The following PKN2 variants were observed in gnomAD, a reference collection of about 807,000 sequenced individuals.
The protein encoded by PKN2 is serine/threonine-protein kinase N2.
A neutral mutation model predicts 119.1 loss-of-function variants in PKN2; 38 were observed. That is an observed-to-expected ratio of 0.32 (90% CI 0.25 to 0.42). PKN2 has a LOEUF of 0.42. Ranked by LOEUF, PKN2 falls within the 10% of genes least tolerant of loss-of-function variation. PKN2 has a pLI of 1.00. For missense variants in PKN2, 850 were observed against 1,165.1 expected (o/e 0.73, Z 3.94); for synonymous variants, 390 against 384.9 (o/e 1.01, Z -0.15).
intron 1 of PKN2, among the ~76,000 whole-genome samples, chr1:88,725,847 A>AG (rs1667877539): frequency 6.6e-6 from 1 of 152,190 alleles, no homozygotes; most frequent in Non-Finnish European, 1.5e-5. Flanking sequence ...TAAAAGATAA[A>AG]GGGGAAAACA....
intron 1 of PKN2, among the ~76,000 whole-genome samples, chr1:88,722,801 A>AG (rs1557565547): frequency 6.6e-6 from 1 of 150,994 alleles, no homozygotes; most frequent in Non-Finnish European, 1.5e-5. Flanking sequence ...AAAAAAAAAA[A>AG]GAAACGAAAA....
chr1:88,807,378 A>G lies in PKN2; in HGVS notation c.1869A>G (p.Glu623=), dbSNP rs1671587847. 1 of 1,603,808 alleles carries G rather than the reference A, an allele frequency of 6.2e-7. No homozygotes were observed. The highest frequency in any genetic ancestry group is 1.3e-5 in the African/African-American group (1 of 74,656). Residue 623 remains glutamate, a synonymous_variant, in exon 13 of 22, where the codon GAA becomes GAG. Coordinates refer to ENST00000370521, the MANE Select transcript of PKN2 (RefSeq NM_006256.4). ...RNSILPKSQS[E]YKPDTPQSGL... ...GTATACTTCCAAAATCTCAATCTGA[A>G]TACAAGCCTGATACTCCTCAGTCAG...
chr1:88,786,102 A>G lies in PKN2; in HGVS notation c.1172-2A>G. On this transcript the variant is annotated splice_acceptor_variant, in intron 7 of 21. Coordinates refer to ENST00000370521, the MANE Select transcript of PKN2 (RefSeq NM_006256.4). LOFTEE classifies it high-confidence loss of function. ...AAGCAAGTTTGTAAATTTTAATTAC[A>G]GATGATGTCTGTGCTGTTTTGAAGC... is the stretch of plus-strand genomic sequence containing the variant. The G allele has an allele frequency of 6.3e-7, 1 of 1,577,524 alleles. No homozygotes were observed. The highest frequency in any genetic ancestry group is 1.3e-5 in the African/African-American group (1 of 74,110).
chr1:88,812,680 G>A (rs1224187193), intron 15 of PKN2, among the ~76,000 whole-genome samples: 1 of 152,084 alleles, frequency 6.6e-6, no homozygotes, highest in Non-Finnish European at 1.5e-5. Context: ...AGGTTACAGG[G>A]AGCCATGATG....
Position 88,833,374 on chromosome 1 carries a change from C to T in PKN2, c.2881C>T (p.Arg961Ter), listed in dbSNP as rs1314658560. 4 of 1,613,248 alleles carry T rather than the reference C, an allele frequency of 2.5e-6. No individual in the cohort carries two copies. The highest frequency in any genetic ancestry group is 1.1e-5 in the South Asian group (1 of 91,062). Residue 961 changes from arginine to a stop codon, truncating the protein, a stop_gained, in exon 22 of 22, where the codon CGA (arginine) becomes TGA (stop). Transcript: ENST00000370521. LOFTEE classifies it high-confidence loss of function. ...AGAAGCACCTATTCTGACTCCACCT[C>T]GAGAACCAAGGATACTTTCGGAAGA... ...TSEAPILTPP[R>*]EPRILSEEEQ...
chr1:88,735,673 CTT>C (rs1363437329), intron 1 of PKN2, among the ~76,000 whole-genome samples: 1 of 130,818 alleles, frequency 7.6e-6, no homozygotes, highest in African/African-American at 2.9e-5. Flanking sequence ...CTCATCCTGA[CTT>C]ATAAGGTTTC....
intron 2 of PKN2, among the ~76,000 whole-genome samples, chr1:88,754,352 A>G (rs1181428035): frequency 6.6e-6 from 1 of 152,144 alleles, no homozygotes; most frequent in Non-Finnish European, 1.5e-5. Flanking sequence ...AACTCAGTCT[A>G]AGAACAAATC....
intron 1 of PKN2, among the ~76,000 whole-genome samples, chr1:88,691,300 A>T (rs1666325870): frequency 6.6e-6 from 1 of 151,968 alleles, no homozygotes; most frequent in South Asian, 2.1e-4. Context: ...GCTGGACTCA[A>T]GCAGTCCACC....
chr1:88,748,157 A>G (rs531278288), intron 2 of PKN2, among the ~76,000 whole-genome samples: 11 of 152,248 alleles, frequency 7.2e-5, no homozygotes, highest in African/African-American at 2.4e-4. Flanking sequence ...CTTTCCATGA[A>G]TTTTAAGATG....
intron 1 of PKN2, among the ~76,000 whole-genome samples, chr1:88,722,437 C>T (rs1667719361): frequency 6.6e-6 from 1 of 151,982 alleles, no homozygotes; most frequent in Non-Finnish European, 1.5e-5. Flanking sequence ...TATAACTAGA[C>T]CTTTGGAGGC....
At chr1:88,804,812 AT>A in intron 9 of PKN2, 33 bp from the exon 10 acceptor site, 1 of 1,162,012 alleles carries the variant, frequency 8.6e-7, no homozygotes, top group Non-Finnish European at 1.3e-6. Context: ...GAACCATGCT[AT>A]TTTCATGTCA....
chr1:88,774,924 G>C (rs557207305), intron 6 of PKN2, among the ~76,000 whole-genome samples: 1 of 152,110 alleles, frequency 6.6e-6, no homozygotes, highest in Non-Finnish European at 1.5e-5. Flanking sequence ...GCTCAGGCTT[G>C]TCTCAAACTC....
rs762314638 is a variant in PKN2, at chr1:88,833,079, G to C, written c.2673G>C (p.Leu891=). 1.9e-6 allele frequency: 3 copies of C among 1,609,504 alleles called. No individual in the cohort carries two copies. In the African/African-American group the frequency reaches 4.0e-5, roughly 22 times the overall value. ...STEAISIMRR[L]LRRNPERRLG... The stretch of plus-strand genomic sequence containing the variant: ...TTTTTTATTTTACATTATGCTAGCT[G>C]TTAAGAAGAAATCCTGAACGGCGCC... The change falls in exon 21 of 22, where the codon CTG becomes CTC. Residue 891 remains leucine, a splice_region_variant and synonymous_variant. Transcript: ENST00000370521.
chr1:88,825,533 C>T (rs1003341371), intron 18 of PKN2, among the ~76,000 whole-genome samples: 1 of 152,156 alleles, frequency 6.6e-6, no homozygotes, highest in South Asian at 2.1e-4. Flanking sequence ...AATTATCTTG[C>T]GTTCTATCCT....
chr1:88,745,633 A>G (rs995046311), intron 2 of PKN2, among the ~76,000 whole-genome samples: 1 of 152,190 alleles, frequency 6.6e-6, no homozygotes, highest in East Asian at 1.9e-4. Context: ...ATGAATTGGA[A>G]GACTTAATAT....
At chr1:88,770,813 C>T (rs1669862980) in intron 4 of PKN2, among the ~76,000 whole-genome samples, 1 of 150,936 alleles carries the variant, frequency 6.6e-6, no homozygotes, top group South Asian at 2.1e-4. Context: ...TCTCGATCTC[C>T]TGACCTCGTG....
chr1:88,765,836 C>A (rs1289619630), intron 3 of PKN2, among the ~76,000 whole-genome samples: 2 of 152,142 alleles, frequency 1.3e-5, no homozygotes, highest in Non-Finnish European at 2.9e-5. Context: ...CACTCTGTCG[C>A]CCAGGTTGTC....
At chr1:88,719,971 A>C (rs1667603949) in intron 1 of PKN2, among the ~76,000 whole-genome samples, 1 of 152,194 alleles carries the variant, frequency 6.6e-6, no homozygotes, top group Non-Finnish European at 1.5e-5. Context: ...GCCAAAATTC[A>C]CACAAGTAGT....
chr1:88,820,300 C>T (rs1459948743), intron 16 of PKN2, among the ~76,000 whole-genome samples: 6 of 143,290 alleles, frequency 4.2e-5, no homozygotes, highest in Non-Finnish European at 3.0e-5. Flanking sequence ...TTTGGGAGGC[C>T]GAGGCGGGCA....
Sources: gnomAD v4.1 joint callset for allele counts (sites outside exome capture counted in the v4.1 genomes callset) on GRCh38, gnomAD v4.1.1 for gene constraint, MANE v1.5 for transcripts, NCBI Gene and HGNC (gene_info 2026-07-23, HGNC 2026-07-21) for gene names.